Variants in LINGO2 observed in about 807,000 individuals in gnomAD.
LINGO2 encodes leucine-rich repeat and immunoglobulin-like domain-containing nogo receptor-interacting protein 2.
LINGO2 carries 14 observed loss-of-function variants against 30.6 expected under a neutral mutation model. The ratio of observed to expected loss-of-function variants is 0.46; its 90% CI spans 0.30 to 0.72. LINGO2 has a LOEUF of 0.72. Among genes scored for constraint, LINGO2 ranks in the 30% least tolerant of loss-of-function variants. LINGO2 has a pLI of 0.07. For synonymous variants in LINGO2, 317 were observed against 288.5 expected (o/e 1.10, Z -1.00); for missense variants, 729 against 751.7 (o/e 0.97, Z 0.35).
the LINGO2 span, among the ~76,000 whole-genome samples, chr9:28,929,659 C>A: frequency 6.6e-6 from 1 of 152,126 alleles, no homozygotes; most frequent in South Asian, 2.1e-4. Flanking sequence ...TTCTTTCCCC[C>A]ATGACATCAT....
the LINGO2 span, among the ~76,000 whole-genome samples, chr9:28,686,717 C>T: frequency 1.3e-5 from 2 of 152,172 alleles, no homozygotes; most frequent in Admixed American, 1.3e-4. Flanking sequence ...CCTCTAAATG[C>T]AGGTTTACAT....
the LINGO2 span, among the ~76,000 whole-genome samples, chr9:29,198,633 T>C: frequency 6.6e-6 from 1 of 152,126 alleles, no homozygotes; most frequent in Non-Finnish European, 1.5e-5. Context: ...TTTTAAGCCA[T>C]ACATACATTG....
At chr9:28,209,450 C>T (rs1169157447) in intron 4 of LINGO2, among the ~76,000 whole-genome samples, 1 of 151,800 alleles carries the variant, frequency 6.6e-6, no homozygotes, top group Non-Finnish European at 1.5e-5. Context: ...CTTTTTGTTA[C>T]ACTAGGTATA....
chr9:29,061,517 A>G, the LINGO2 span, among the ~76,000 whole-genome samples: 1 of 152,050 alleles, frequency 6.6e-6, no homozygotes, highest in African/African-American at 2.4e-5. Context: ...AGTCTAGTCC[A>G]GAAATAATCT....
intron 4 of LINGO2, among the ~76,000 whole-genome samples, chr9:28,227,889 T>C (rs1169824896): frequency 6.6e-6 from 1 of 152,100 alleles, no homozygotes; most frequent in Non-Finnish European, 1.5e-5. Flanking sequence ...AAACTTGCCC[T>C]TTCCACAATT....
intron 1 of LINGO2, among the ~76,000 whole-genome samples, chr9:28,613,460 A>T (rs1400377050): frequency 6.6e-6 from 1 of 150,468 alleles, no homozygotes. Flanking sequence ...CCCATATGAT[A>T]TATATATATT....
At chr9:28,024,287 G>A (rs1355519092) in intron 4 of LINGO2, among the ~76,000 whole-genome samples, 1 of 152,162 alleles carries the variant, frequency 6.6e-6, no homozygotes, top group East Asian at 1.9e-4. Context: ...AGGCTAAGAG[G>A]CAAAAAGAGG....
chr9:28,990,580 T>G, the LINGO2 span, among the ~76,000 whole-genome samples: 1 of 152,138 alleles, frequency 6.6e-6, no homozygotes, highest in Non-Finnish European at 1.5e-5. Flanking sequence ...CCCTGACCCC[T>G]GAGCAGCCTA....
chr9:28,321,756 T>C (rs139083042), intron 3 of LINGO2, among the ~76,000 whole-genome samples: 36 of 152,254 alleles, frequency 2.4e-4, no homozygotes, highest in African/African-American at 8.4e-4. Context: ...ATTGGAAATA[T>C]ATGCTGAACA....
At chr9:28,303,372 T>A (rs1824220487) in intron 3 of LINGO2, among the ~76,000 whole-genome samples, 1 of 152,138 alleles carries the variant, frequency 6.6e-6, no homozygotes, top group Non-Finnish European at 1.5e-5. Flanking sequence ...GGGGCTTGGA[T>A]GTGACCTAAC....
the LINGO2 span, among the ~76,000 whole-genome samples, chr9:28,684,357 T>G: frequency 6.6e-6 from 1 of 150,726 alleles, no homozygotes; most frequent in South Asian, 2.1e-4. Context: ...CCGGCTAATT[T>G]TTTGTGTTTT....
At chr9:28,694,952 GTTT>G in the LINGO2 span, among the ~76,000 whole-genome samples, 3 of 133,424 alleles carry the variant, frequency 2.2e-5, no homozygotes, top group Non-Finnish European at 4.9e-5. Context: ...TATCCTGACT[GTTT>G]TTTTTTTTTT....
chr9:28,148,799 T>C lies in LINGO2; in HGVS notation c.-86-136394A>G, dbSNP rs1486453829. The C allele has an allele frequency of 6.5e-7, 1 of 1,533,658 alleles. No individual in the cohort carries two copies. Among genetic ancestry groups the C allele is most frequent in the Non-Finnish European group, 8.7e-7 (1 of 1,146,568 alleles). Reference sequence around the variant, plus strand: ...TGCCCCAGTTCCAGGCTGCTCCCTGTGGCCAGAGAAGGCGGCCTTGAAGGT... The same window carrying C: ...TGCCCCAGTTCCAGGCTGCTCCCTGCGGCCAGAGAAGGCGGCCTTGAAGGT... On this transcript the variant is annotated intron_variant, in intron 4 of 5. Transcript: ENST00000379992. The surrounding 1 kb of genome is among the most constrained non-coding windows in gnomAD (Gnocchi z 5.1).
At chr9:28,713,022 C>T in the LINGO2 span, among the ~76,000 whole-genome samples, 155 of 152,000 alleles carry the variant, frequency 1.0e-3, 1 homozygote, top group Non-Finnish European at 6.3e-4. Context: ...CTTGTCACCA[C>T]GCCCGGCTGA....
At chr9:28,149,041 G>A (rs541473538) in intron 4 of LINGO2, 168 of 1,534,520 alleles carry the variant, frequency 1.1e-4, no homozygotes, top group East Asian at 4.2e-4. Context: ...GGCCCCCACC[G>A]GCTAAGCTTC....
chr9:29,111,410 A>T, the LINGO2 span, among the ~76,000 whole-genome samples: 1 of 152,088 alleles, frequency 6.6e-6, no homozygotes, highest in Non-Finnish European at 1.5e-5. Context: ...TCTCTCCACA[A>T]GTCCCTTCCC....
chr9:28,495,279 G>A (rs2135285962), intron 1 of LINGO2, among the ~76,000 whole-genome samples: 1 of 152,292 alleles, frequency 6.6e-6, no homozygotes, highest in East Asian at 1.9e-4. Context: ...TTTTAGACAT[G>A]AAGTCCTTGC....
chr9:28,361,885 A>G (rs1345050108), intron 3 of LINGO2, among the ~76,000 whole-genome samples: 1 of 152,222 alleles, frequency 6.6e-6, no homozygotes, highest in East Asian at 1.9e-4. Context: ...AGATGAAGAC[A>G]CTGAATCTCG....
At chr9:29,023,177 T>C in the LINGO2 span, among the ~76,000 whole-genome samples, 1 of 152,088 alleles carries the variant, frequency 6.6e-6, no homozygotes, top group Non-Finnish European at 1.5e-5. Context: ...AAAAAGGTTA[T>C]AGTTGGTCAT....
Sources: allele counts gnomAD v4.1 joint callset (sites outside exome capture counted in the v4.1 genomes callset), GRCh38; gene constraint gnomAD v4.1.1; non-coding constraint Gnocchi (gnomAD v3.1); transcripts MANE v1.5; gene names NCBI Gene and HGNC (gene_info 2026-07-23, HGNC 2026-07-21).